Variants in CYP4F2 observed in about 807,000 individuals in gnomAD.
The protein encoded by CYP4F2 is cytochrome P450 family 4 subfamily F member 2.
A neutral mutation model predicts 58.9 loss-of-function variants in CYP4F2; 58 were observed. The observed-to-expected ratio is 0.98, with a 90% CI of 0.80 to 1.23. The LOEUF is 1.23. Ranked by LOEUF, CYP4F2 falls within the 50% of genes most tolerant of loss-of-function variation. CYP4F2 has a pLI of 0.00. For missense variants in CYP4F2, 616 were observed against 685.6 expected (o/e 0.90, Z 1.13); for synonymous variants, 287 against 261.1 (o/e 1.10, Z -0.95).
chr19:15,889,728 T>G, intron 6 of CYP4F2, 35 bp from the exon 7 acceptor site: 2 of 1,606,822 alleles, frequency 1.2e-6, no homozygotes, highest in South Asian at 2.2e-5. Flanking sequence ...GGCAACAATT[T>G]AATATACCTG....
At position 15,891,694 on chromosome 19, in the gene CYP4F2, G is replaced by A. The variant is rs3093142; in HGVS notation, c.525+615C>T. 3.3e-3 allele frequency among the ~76,000 whole-genome samples: 508 copies of A among 152,234 alleles called. 2 individuals are homozygous for A. Among genetic ancestry groups the A allele is most frequent in the African/African-American group, 0.012 (492 of 41,530 alleles). ...GAAGCTAAGCCTTGTCTTACTCCTT[G>A]GAACCCTGCCTGCATTGTGAACCAT... On this transcript the variant is annotated intron_variant, in intron 5 of 12. Transcript: ENST00000221700.
chr19:15,894,661 T>G (rs1323695780), intron 3 of CYP4F2, among the ~76,000 whole-genome samples: 1 of 152,178 alleles, frequency 6.6e-6, no homozygotes, highest in Non-Finnish European at 1.5e-5. Context: ...TGAAAGAGAC[T>G]TCAATAACCA....
chr19:15,878,565 T>C lies in CYP4F2; in HGVS notation c.*206A>G, dbSNP rs985950125. ...TCTGGTAATATATAGCTTGGGGTTG[T>C]TTTCATCGTTTGGCTACTGTGAATA... On this transcript the variant is annotated 3_prime_UTR_variant, in exon 13 of 13. Coordinates refer to ENST00000221700, the MANE Select transcript of CYP4F2 (RefSeq NM_001082.5). 4.9e-6 allele frequency: 4 copies of C among 814,616 alleles called. No homozygotes were observed. Among genetic ancestry groups the C allele is most frequent in the African/African-American group, 3.4e-5 (2 of 58,886 alleles). 50.5% of individuals were successfully genotyped at this position (814,616 alleles called of 1,614,324 possible).
intron 12 of CYP4F2, 141 bp downstream of exon 12, chr19:15,879,205 C>G: frequency 7.4e-7 from 1 of 1,346,036 alleles, no homozygotes; most frequent in Non-Finnish European, 1.0e-6. Flanking sequence ...CTCTATGGAC[C>G]TTTTCCTATA....
At chr19:15,887,255 CAT>C (rs1189738331) in intron 7 of CYP4F2, among the ~76,000 whole-genome samples, 1 of 151,478 alleles carries the variant, frequency 6.6e-6, no homozygotes, top group Non-Finnish European at 1.5e-5. Flanking sequence ...TAAACATAGA[CAT>C]AGACACAGAT....
Position 15,895,570 on chromosome 19 carries a change from T to G in CYP4F2, c.279A>C (p.Gly93=), listed in dbSNP as rs8100960. ...ACAAACTGAGGAGGGGGGAGATGGG[T>G]CCCATCCAGACCTTAAAGCCCTGGG... The part of the protein sequence containing the change: ...TYPQGFKVWM[G]PISPLLSLCH... The change falls in exon 3 of 13, where the codon GGA becomes GGC. Residue 93 remains glycine, a synonymous_variant. Coordinates refer to ENST00000221700, the MANE Select transcript of CYP4F2 (RefSeq NM_001082.5). 6.4e-3 allele frequency: 10,033 copies of G among 1,577,142 alleles called. 467 individuals carry two copies. The African/African-American group carries it at 0.1, about 16-fold the overall frequency.
chr19:15,886,387 T>A, intron 7 of CYP4F2, 79 bp from the exon 8 acceptor site: 1 of 1,482,554 alleles, frequency 6.7e-7, no homozygotes. Context: ...TTGAGTCTAA[T>A]CTGAGACAGT....
At position 15,879,798 on chromosome 19, in the gene CYP4F2, G is replaced by A. The variant is rs752995784; in HGVS notation, c.1215C>T (p.Asp405=). The A allele has an allele frequency of 1.4e-5, 22 of 1,614,058 alleles. No homozygotes were observed. Among genetic ancestry groups the A allele is most frequent in the South Asian group, 1.2e-4 (11 of 91,092 alleles). Residue 405 remains aspartate (D), a synonymous_variant, in exon 10 of 13, where the codon GAC becomes GAT. Coordinates refer to ENST00000221700, the MANE Select transcript of CYP4F2 (RefSeq NM_001082.5). ...VPVISRHVTQ[D]IVLPDGRVIP... is the part of the protein sequence containing the mutation. ...TGACCCGGCCGTCTGGGAGCACAAT[G>A]TCCTGGGTGACATGGCGGGAGATGA...
intron 9 of CYP4F2, among the ~76,000 whole-genome samples, chr19:15,882,812 T>C (rs1014976844): frequency 4.6e-5 from 7 of 152,246 alleles, no homozygotes; most frequent in African/African-American, 7.2e-5. Flanking sequence ...CTATTTTGTA[T>C]AGTTTTCTTT....
At chr19:15,894,750 C>A (rs2089438282) in intron 3 of CYP4F2, among the ~76,000 whole-genome samples, 1 of 152,162 alleles carries the variant, frequency 6.6e-6, no homozygotes, top group Non-Finnish European at 1.5e-5. Context: ...CTGCCCATTC[C>A]CCCTGCTCAG....
intron 7 of CYP4F2, 124 bp from the exon 8 acceptor site, chr19:15,886,432 T>G: frequency 7.6e-7 from 1 of 1,312,494 alleles, no homozygotes; most frequent in Non-Finnish European, 1.1e-6. Context: ...GAAATCCAAG[T>G]CCATCTTGCA....
At chr19:15,893,837 C>T (rs563488076) in intron 3 of CYP4F2, 8 of 258,492 alleles carry the variant, frequency 3.1e-5, no homozygotes, top group African/African-American at 1.1e-4. Flanking sequence ...CAAAGGTGCA[C>T]GCCAGGCTTT....
chr19:15,886,056 G>T lies in CYP4F2; in HGVS notation c.986-3C>A, dbSNP rs1470199219. ...ACCACTGGCCGTGGTGTCATGGCCT[G>T]GGGGGCAGCAAGGCAGGCTTGGGTC... On this transcript the variant is annotated splice_region_variant and splice_polypyrimidine_tract_variant and intron_variant, in intron 8 of 12. Transcript: ENST00000221700. 6.2e-7 allele frequency: 1 copy of T among 1,612,746 alleles called. No individual in the cohort carries two copies. The highest frequency in any genetic ancestry group is 8.5e-7 in the Non-Finnish European group (1 of 1,179,242).
Position 15,885,962 on chromosome 19 carries a change from T to C in CYP4F2, c.1077A>G (p.Gln359=), listed in dbSNP as rs563869029. ...EYQERCRQEV[Q]ELLKDREPKE... ...TAGGCTCACGGTCCTTCAGAAGTTC[T>C]TGCACCTCCTGCCGGCAGCGCTCCT... The change falls in exon 9 of 13, where the codon CAA becomes CAG. Residue 359 remains glutamine (Q), a synonymous_variant. Transcript: ENST00000221700. The C allele has an allele frequency of 2.5e-6, 4 of 1,614,078 alleles. No homozygotes were observed. Among genetic ancestry groups the C allele is most frequent in the Non-Finnish European group, 3.4e-6 (4 of 1,179,980 alleles).
At chr19:15,886,420 C>T (rs2145005898) in intron 7 of CYP4F2, 112 bp from the exon 8 acceptor site, 1 of 1,433,922 alleles carries the variant, frequency 7.0e-7, no homozygotes, top group African/African-American at 1.4e-5. Context: ...ATCCTTTTTC[C>T]AGAAATCCAA....
chr19:15,897,698 G>A (rs2089456954), intron 1 of CYP4F2, 86 bp from the exon 2 acceptor site: 5 of 1,509,852 alleles, frequency 3.3e-6, no homozygotes, highest in Admixed American at 1.9e-5. Context: ...AGGCAGGGAC[G>A]GGCAGTGCCG....
At chr19:15,887,429 GAC>G (rs946506659) in intron 7 of CYP4F2, among the ~76,000 whole-genome samples, 91 of 148,300 alleles carry the variant, frequency 6.1e-4, no homozygotes, top group Admixed American at 1.7e-3. Context: ...CATAGACATA[GAC>G]ACACACACAC....
chr19:15,893,532 G>T (rs1032131484), intron 3 of CYP4F2, among the ~76,000 whole-genome samples: 2 of 152,168 alleles, frequency 1.3e-5, no homozygotes, highest in African/African-American at 4.8e-5. Flanking sequence ...ATACAAGGCA[G>T]ACCTGGCCAT....
chr19:15,882,367 C>T (rs1022377608), intron 9 of CYP4F2, among the ~76,000 whole-genome samples: 2 of 152,092 alleles, frequency 1.3e-5, no homozygotes, highest in African/African-American at 4.8e-5. Context: ...ATAGAAGCTT[C>T]AGTTAGACAA....
Sources: allele counts gnomAD v4.1 joint callset (sites outside exome capture counted in the v4.1 genomes callset), GRCh38; gene constraint gnomAD v4.1.1; transcripts MANE v1.5; gene names NCBI Gene and HGNC (gene_info 2026-07-23, HGNC 2026-07-21).